Variants in NXPE2 observed in about 807,000 individuals in gnomAD.
NXPE2 encodes neurexophilin and PC-esterase domain family member 2.
NXPE2 carries 34 observed loss-of-function variants against 34.4 expected under a neutral mutation model. That is an observed-to-expected ratio of 0.99 (90% CI 0.75 to 1.31). The LOEUF (loss-of-function observed/expected upper bound fraction) is 1.31, where lower values mean the gene tolerates loss of function less well. Ranked by LOEUF, NXPE2 falls within the 40% of genes most tolerant of loss-of-function variation. NXPE2 has a pLI of 0.00. For missense variants in NXPE2, 649 were observed against 672.5 expected, an observed-to-expected ratio of 0.97 and a Z score of 0.39; for synonymous variants, 235 against 231.3, an observed-to-expected ratio of 1.02 and a Z score of -0.15.
chr11:114,562,408 G>T, the NXPE2 span, among the ~76,000 whole-genome samples: 15 of 152,116 alleles, frequency 9.9e-5, no homozygotes, highest in Non-Finnish European at 1.9e-4. Flanking sequence ...TATGATATGT[G>T]GAGAGGTCAT....
the NXPE2 span, among the ~76,000 whole-genome samples, chr11:114,715,119 G>C: frequency 6.6e-6 from 1 of 152,150 alleles, no homozygotes; most frequent in African/African-American, 2.4e-5. Context: ...AGATTATTTT[G>C]ATTATCAAGC....
the NXPE2 span, among the ~76,000 whole-genome samples, chr11:114,593,508 C>G: frequency 0.011 from 1,655 of 151,982 alleles, 32 homozygotes; most frequent in African/African-American, 0.037. Context: ...GGCTTTTATC[C>G]AAAAGACAGA....
the NXPE2 span, among the ~76,000 whole-genome samples, chr11:114,574,914 C>T: frequency 6.6e-6 from 1 of 151,986 alleles, no homozygotes; most frequent in Non-Finnish European, 1.5e-5. Context: ...CAGTAACATC[C>T]CTTATGAACA....
At chr11:114,748,441 A>T in the NXPE2 span, among the ~76,000 whole-genome samples, 1 of 152,210 alleles carries the variant, frequency 6.6e-6, no homozygotes, top group Middle Eastern at 3.2e-3. Flanking sequence ...ACAGCAAAAG[A>T]ATTCAATTTG....
the NXPE2 span, among the ~76,000 whole-genome samples, chr11:114,593,839 G>A: frequency 6.6e-6 from 1 of 152,112 alleles, no homozygotes; most frequent in African/African-American, 2.4e-5. Flanking sequence ...GTAGTATTCA[G>A]TTATAAAAAG....
At chr11:114,607,398 A>G in the NXPE2 span, among the ~76,000 whole-genome samples, 1,550 of 152,018 alleles carry the variant, frequency 0.01, 25 homozygotes, top group African/African-American at 0.035. Flanking sequence ...CTCTTGGGTA[A>G]CCACTGTTAC....
At chr11:114,671,331 G>A in the NXPE2 span, among the ~76,000 whole-genome samples, 1 of 35,546 alleles carries the variant, frequency 2.8e-5, no homozygotes, top group African/African-American at 5.2e-5. Context: ...AAATGTAATA[G>A]AGGAATTAGG....
At chr11:114,793,492 A>G in the NXPE2 span, among the ~76,000 whole-genome samples, 1 of 152,188 alleles carries the variant, frequency 6.6e-6, no homozygotes, top group Non-Finnish European at 1.5e-5. Flanking sequence ...TGTAGATATG[A>G]TAGAAAACCC....
downstream of NXPE2, among the ~76,000 whole-genome samples, chr11:114,708,299 C>T (rs75090626): frequency 1.1e-3 from 163 of 152,224 alleles, no homozygotes; most frequent in Middle Eastern, 3.4e-3. Context: ...ATTATGTTAA[C>T]GTACAGACCC....
the NXPE2 span, among the ~76,000 whole-genome samples, chr11:114,802,449 GGTCACAAGCCCATCCTTGGAACCA>G: frequency 6.6e-6 from 1 of 152,116 alleles, no homozygotes; most frequent in Admixed American, 6.5e-5. Flanking sequence ...TCCGGGTTTG[GGTCACAAGCCCATCCTTGGAACCA>G]GTCACAGGCC....
chr11:114,520,331 A>G, the NXPE2 span, among the ~76,000 whole-genome samples: 1 of 152,128 alleles, frequency 6.6e-6, no homozygotes, highest in Non-Finnish European at 1.5e-5. Context: ...AGTTCCATAT[A>G]TAAGTGAGAT....
chr11:114,621,013 G>T, the NXPE2 span, among the ~76,000 whole-genome samples: 2 of 151,942 alleles, frequency 1.3e-5, no homozygotes, highest in South Asian at 4.1e-4. Context: ...GTGTTGTCTC[G>T]TGGTTGACCA....
chr11:114,544,181 T>C, the NXPE2 span, among the ~76,000 whole-genome samples: 1 of 152,190 alleles, frequency 6.6e-6, no homozygotes, highest in African/African-American at 2.4e-5. Flanking sequence ...ATTGATTCAA[T>C]ACCATTTCAA....
At chr11:114,784,172 C>A in the NXPE2 span, among the ~76,000 whole-genome samples, 1 of 152,228 alleles carries the variant, frequency 6.6e-6, no homozygotes, top group African/African-American at 2.4e-5. Flanking sequence ...TAGGTTCTCT[C>A]AGCTCCACTG....
chr11:114,507,329 C>T, the NXPE2 span, among the ~76,000 whole-genome samples: 2 of 151,658 alleles, frequency 1.3e-5, no homozygotes, highest in African/African-American at 2.4e-5. Context: ...GAGCTGGTAC[C>T]ATTCCTACTG....
the NXPE2 span, among the ~76,000 whole-genome samples, chr11:114,807,666 A>T: frequency 6.6e-6 from 1 of 151,658 alleles, no homozygotes; most frequent in Non-Finnish European, 1.5e-5. Context: ...TATGCAACCA[A>T]TACAGGAGCA....
At chr11:114,612,796 G>A in the NXPE2 span, among the ~76,000 whole-genome samples, 1 of 151,528 alleles carries the variant, frequency 6.6e-6, no homozygotes, top group African/African-American at 2.4e-5. Flanking sequence ...TGGATAATAA[G>A]TGTTGCCTCG....
chr11:114,638,486 A>T, the NXPE2 span, among the ~76,000 whole-genome samples: 1 of 152,020 alleles, frequency 6.6e-6, no homozygotes, highest in African/African-American at 2.4e-5. Context: ...TTCTCCGTCC[A>T]ACTTTGTTCC....
At chr11:114,606,540 AG>A in the NXPE2 span, among the ~76,000 whole-genome samples, 1 of 151,688 alleles carries the variant, frequency 6.6e-6, no homozygotes, top group Non-Finnish European at 1.5e-5. Context: ...TTGGATAATA[AG>A]TGTTGCCTCA....
Sources: allele counts gnomAD v4.1 joint callset (sites outside exome capture counted in the v4.1 genomes callset), GRCh38; gene constraint gnomAD v4.1.1; transcripts MANE v1.5; gene names NCBI Gene and HGNC (gene_info 2026-07-23, HGNC 2026-07-21).